Variants in KCNT2 observed in about 807,000 individuals in gnomAD.
KCNT2 encodes potassium sodium-activated channel subfamily T member 2.
A neutral mutation model predicts 153.8 loss-of-function variants in KCNT2; 67 were observed. The observed-to-expected ratio is 0.44, with a 90% CI of 0.36 to 0.53. KCNT2 has a LOEUF of 0.53. KCNT2 is among the 20% of genes least tolerant of loss of function. The pLI, the probability that KCNT2 is intolerant of heterozygous loss-of-function variation, is 0.00. For synonymous variants in KCNT2, 500 were observed against 458.8 expected (o/e 1.09, Z -1.15); for missense variants, 975 against 1,354.8 (o/e 0.72, Z 4.40).
chr1:196,576,888 A>C (rs1038796987), intron 1 of KCNT2, among the ~76,000 whole-genome samples: 1 of 152,144 alleles, frequency 6.6e-6, no homozygotes, highest in Non-Finnish European at 1.5e-5. Flanking sequence ...TTAAGTGATG[A>C]ATTCAATTAA....
chr1:196,414,228 A>G (rs1420125789), intron 12 of KCNT2, among the ~76,000 whole-genome samples: 2 of 151,786 alleles, frequency 1.3e-5, no homozygotes, highest in Non-Finnish European at 3.0e-5. Context: ...CTAATTCAAA[A>G]TACTATAAAA....
intron 19 of KCNT2, 35 bp from the exon 20 acceptor site, chr1:196,319,590 T>C (rs1203844416): frequency 7.1e-7 from 1 of 1,411,098 alleles, no homozygotes; most frequent in Non-Finnish European, 1.0e-6. Flanking sequence ...TGAAACACAA[T>C]GTCACAACAG....
intron 25 of KCNT2, among the ~76,000 whole-genome samples, chr1:196,270,247 G>A (rs1657941566): frequency 6.6e-6 from 1 of 151,816 alleles, no homozygotes; most frequent in South Asian, 2.1e-4. Context: ...GATTATAGTG[G>A]CCCAAGGTCT....
intron 1 of KCNT2, among the ~76,000 whole-genome samples, chr1:196,524,987 G>A (rs996418370): frequency 3.3e-5 from 5 of 152,058 alleles, no homozygotes; most frequent in African/African-American, 1.2e-4. Context: ...TAGAGAAAAG[G>A]AAGAAATCTG....
chr1:196,439,677 T>G (rs1265448378), intron 8 of KCNT2, among the ~76,000 whole-genome samples: 1 of 151,984 alleles, frequency 6.6e-6, no homozygotes, highest in Non-Finnish European at 1.5e-5. Flanking sequence ...AACATTCCTA[T>G]TAGATATCCT....
chr1:196,402,694 G>T lies in KCNT2; in HGVS notation c.1186-4023C>A, dbSNP rs374532163. 5.3e-5 allele frequency among the ~76,000 whole-genome samples: 8 copies of T among 151,544 alleles called. No homozygotes were observed. The East Asian group carries it at 1.4e-3, about 26-fold the overall frequency. The stretch of plus-strand genomic sequence containing the variant: ...ATTAATAATGACATTAAATGCCAAT[G>T]GACTAAACATGTTGAAACACAAAGA... On this transcript the variant is annotated intron_variant, in intron 12 of 27. Transcript: ENST00000294725.
chr1:196,357,934 A>C (rs565697813), intron 14 of KCNT2, among the ~76,000 whole-genome samples: 4 of 151,980 alleles, frequency 2.6e-5, no homozygotes, highest in East Asian at 1.9e-4. Flanking sequence ...CTTTTCAGAA[A>C]ATTTTCTTCA....
chr1:196,411,560 T>G (rs372367677), intron 12 of KCNT2, among the ~76,000 whole-genome samples: 1 of 151,622 alleles, frequency 6.6e-6, no homozygotes, highest in Non-Finnish European at 1.5e-5. Flanking sequence ...TGTAACAATG[T>G]TTTGTAGTTT....
At chr1:196,478,833 A>G (rs1678760994) in intron 5 of KCNT2, among the ~76,000 whole-genome samples, 1 of 152,236 alleles carries the variant, frequency 6.6e-6, no homozygotes, top group Non-Finnish European at 1.5e-5. Context: ...AATTTATTAA[A>G]ATAATTCCTA....
intron 8 of KCNT2, among the ~76,000 whole-genome samples, chr1:196,448,736 A>T (rs183763537): frequency 6.6e-6 from 1 of 151,814 alleles, no homozygotes. Flanking sequence ...AGGCTCAGGA[A>T]GCCTGTTATT....
intron 25 of KCNT2, among the ~76,000 whole-genome samples, chr1:196,278,325 AGTT>A (rs1454426829): frequency 1.3e-5 from 2 of 152,208 alleles, no homozygotes; most frequent in African/African-American, 2.4e-5. Context: ...TATCTTTGTT[AGTT>A]GCCTCAATTC....
At chr1:196,395,730 A>C (rs1670880924) in intron 13 of KCNT2, among the ~76,000 whole-genome samples, 1 of 151,612 alleles carries the variant, frequency 6.6e-6, no homozygotes, top group South Asian at 2.1e-4. Context: ...TTATTTTGAC[A>C]AATTTATTAT....
At chr1:196,279,550 G>A (rs964062207) in intron 25 of KCNT2, among the ~76,000 whole-genome samples, 1 of 151,576 alleles carries the variant, frequency 6.6e-6, no homozygotes, top group Admixed American at 6.6e-5. Flanking sequence ...AGCCTCCCGA[G>A]TAGCTGGGAC....
intron 22 of KCNT2, among the ~76,000 whole-genome samples, chr1:196,291,794 C>A (rs142642983): frequency 1.3e-5 from 2 of 152,022 alleles, no homozygotes; most frequent in South Asian, 2.1e-4. Context: ...ATTTGGAGAA[C>A]CAGATATCAT....
chr1:196,236,792 G>T (rs1436958458), intron 26 of KCNT2, among the ~76,000 whole-genome samples: 1 of 151,338 alleles, frequency 6.6e-6, no homozygotes, highest in African/African-American at 2.4e-5. Context: ...TGTTGACCCT[G>T]CATTACATAG....
At chr1:196,564,251 C>A (rs1409052174) in intron 1 of KCNT2, among the ~76,000 whole-genome samples, 1 of 151,604 alleles carries the variant, frequency 6.6e-6, no homozygotes, top group East Asian at 1.9e-4. Context: ...AATTCTTAAT[C>A]CTGTTTATAA....
intron 26 of KCNT2, among the ~76,000 whole-genome samples, chr1:196,252,335 A>C (rs1656048656): frequency 6.6e-6 from 1 of 151,690 alleles, no homozygotes; most frequent in Non-Finnish European, 1.5e-5. Context: ...AAATTCTTAC[A>C]TTGTAGATGT....
At chr1:196,267,995 T>C (rs1365711095) in intron 25 of KCNT2, among the ~76,000 whole-genome samples, 1 of 152,126 alleles carries the variant, frequency 6.6e-6, no homozygotes, top group Non-Finnish European at 1.5e-5. Context: ...TGGTATTGTG[T>C]TAAATGTGAT....
At chr1:196,583,330 T>C (rs1323462920) in intron 1 of KCNT2, among the ~76,000 whole-genome samples, 1 of 152,088 alleles carries the variant, frequency 6.6e-6, no homozygotes, top group Non-Finnish European at 1.5e-5. Context: ...ACACAAAAAA[T>C]ACCAGAGGGT....
Sources: allele counts gnomAD v4.1 joint callset (sites outside exome capture counted in the v4.1 genomes callset), GRCh38; gene constraint gnomAD v4.1.1; transcripts MANE v1.5; gene names NCBI Gene and HGNC (gene_info 2026-07-23, HGNC 2026-07-21).